The following CDH7 variants were observed in gnomAD, a reference collection of about 807,000 sequenced individuals.
CDH7 encodes cadherin 7, also known as cadherin-7.
Under a neutral mutation model 71.8 loss-of-function variants are expected in CDH7, and 25 were observed. That is an observed-to-expected ratio of 0.35 (90% CI 0.25 to 0.49). The LOEUF (loss-of-function observed/expected upper bound fraction) is 0.49. CDH7 is among the 20% of genes least tolerant of loss of function. CDH7 has a pLI of 0.99. For missense variants in CDH7, 862 were observed against 974.6 expected, an observed-to-expected ratio of 0.88 and a Z score of 1.54; for synonymous variants, 381 against 363.8, an observed-to-expected ratio of 1.05 and a Z score of -0.54.
intron 6 of CDH7, among the ~76,000 whole-genome samples, chr18:65,837,330 C>T (rs969868064): frequency 6.6e-6 from 1 of 152,104 alleles, no homozygotes; most frequent in East Asian, 1.9e-4. Context: ...TTTTTATGAG[C>T]TAGGATGGAG....
At chr18:65,787,282 A>G (rs537677966) in intron 2 of CDH7, among the ~76,000 whole-genome samples, 2 of 152,310 alleles carry the variant, frequency 1.3e-5, no homozygotes, top group South Asian at 4.1e-4. Flanking sequence ...TATAAGAAGG[A>G]TTATTAGAAC....
chr18:65,812,163 T>G (rs1432170311), intron 3 of CDH7, among the ~76,000 whole-genome samples: 1 of 151,936 alleles, frequency 6.6e-6, no homozygotes, highest in African/African-American at 2.4e-5. Flanking sequence ...GAAATGGGGT[T>G]TCACCATGTT....
intron 2 of CDH7, among the ~76,000 whole-genome samples, chr18:65,776,787 G>C (rs1909963882): frequency 6.6e-6 from 1 of 152,068 alleles, no homozygotes; most frequent in Non-Finnish European, 1.5e-5. Context: ...ATTCATTTCA[G>C]TTCCACAAGT....
intron 6 of CDH7, among the ~76,000 whole-genome samples, chr18:65,828,150 T>G (rs1333814386): frequency 6.6e-6 from 1 of 152,004 alleles, no homozygotes; most frequent in Non-Finnish European, 1.5e-5. Flanking sequence ...TTTTACAAAT[T>G]TTTATTATCT....
intron 6 of CDH7, among the ~76,000 whole-genome samples, chr18:65,831,416 A>G (rs1912344940): frequency 6.6e-6 from 1 of 152,172 alleles, no homozygotes; most frequent in Admixed American, 6.5e-5. Context: ...TTCCATCATG[A>G]GGTCAAAAGT....
At chr18:65,797,342 C>A (rs1485075402) in intron 2 of CDH7, among the ~76,000 whole-genome samples, 2 of 151,956 alleles carry the variant, frequency 1.3e-5, no homozygotes. Context: ...CTATTGATTT[C>A]TGCCAATTTT....
At chr18:65,861,954 CAT>C (rs1360074363) in intron 10 of CDH7, among the ~76,000 whole-genome samples, 5 of 152,012 alleles carry the variant, frequency 3.3e-5, no homozygotes, top group East Asian at 1.9e-4. Flanking sequence ...ACACACAAAA[CAT>C]ATTTTTGATA....
intron 6 of CDH7, among the ~76,000 whole-genome samples, chr18:65,842,318 T>C (rs1034142406): frequency 6.6e-6 from 1 of 152,084 alleles, no homozygotes; most frequent in African/African-American, 2.4e-5. Context: ...AAGAGAGATA[T>C]TAAATAAGCA....
chr18:65,849,790 T>A (rs964001485), intron 7 of CDH7, among the ~76,000 whole-genome samples: 5 of 152,144 alleles, frequency 3.3e-5, no homozygotes, highest in Non-Finnish European at 7.3e-5. Context: ...GTTACCTTTT[T>A]GGAAGACTCC....
chr18:65,874,724 TA>T (rs1914024723), intron 11 of CDH7, among the ~76,000 whole-genome samples: 1 of 151,612 alleles, frequency 6.6e-6, no homozygotes, highest in Non-Finnish European at 1.5e-5. Flanking sequence ...TATATATGCA[TA>T]TATAAATGTA....
In CDH7 at chr18:65,886,303, G is replaced by C. The variant is rs1012371453; in HGVS notation, c.*5409G>C. ...GTTATATGGTAAACAGAGAATTTCT[G>C]TTTGGAGATACATACATTAAGGAAA... On this transcript the variant is annotated 3_prime_UTR_variant, in exon 12 of 12. Coordinates refer to ENST00000397968, the MANE Select transcript of CDH7 (RefSeq NM_004361.5). The C allele has an allele frequency of 2.0e-5, 3 of 152,132 alleles. No homozygotes were observed. The highest frequency in any genetic ancestry group is 7.2e-5 in the African/African-American group (3 of 41,412). 9.4% of individuals were successfully genotyped at this position (152,132 alleles called of 1,614,324 possible).
At chr18:65,820,063 T>C (rs1396079971) in intron 4 of CDH7, among the ~76,000 whole-genome samples, 2 of 13,580 alleles carry the variant, frequency 1.5e-4, no homozygotes, top group Non-Finnish European at 5.3e-4. Flanking sequence ...GATAGGACAT[T>C]AGATCATCAG....
chr18:65,825,081 C>G (rs1159252486), intron 6 of CDH7, among the ~76,000 whole-genome samples: 1 of 151,814 alleles, frequency 6.6e-6, no homozygotes, highest in Non-Finnish European at 1.5e-5. Flanking sequence ...AAAAATAAAG[C>G]AAACTGGCAA....
intron 6 of CDH7, among the ~76,000 whole-genome samples, chr18:65,829,052 T>C (rs1462660584): frequency 2.0e-5 from 3 of 152,222 alleles, no homozygotes; most frequent in African/African-American, 7.2e-5. Flanking sequence ...AACCATTAGA[T>C]TCTAAAAGTG....
chr18:65,776,593 ATC>A (rs1345127332), intron 2 of CDH7, among the ~76,000 whole-genome samples: 2 of 152,060 alleles, frequency 1.3e-5, no homozygotes, highest in Non-Finnish European at 2.9e-5. Flanking sequence ...TTGCTTGTTA[ATC>A]TCTCAGTTAA....
intron 3 of CDH7, among the ~76,000 whole-genome samples, chr18:65,810,906 A>G (rs1388481656): frequency 6.6e-6 from 1 of 152,184 alleles, no homozygotes; most frequent in East Asian, 1.9e-4. Flanking sequence ...TCATCGCGCC[A>G]TTACTAGAAA....
At chr18:65,816,213 T>G (rs1599026215) in intron 4 of CDH7, among the ~76,000 whole-genome samples, 1 of 152,096 alleles carries the variant, frequency 6.6e-6, no homozygotes, top group African/African-American at 2.4e-5. Context: ...AATGCTGTAA[T>G]TATGGTAATC....
At chr18:65,794,783 T>C (rs945360088) in intron 2 of CDH7, among the ~76,000 whole-genome samples, 2 of 151,988 alleles carry the variant, frequency 1.3e-5, no homozygotes, top group Non-Finnish European at 2.9e-5. Flanking sequence ...GCTTCGTTGT[T>C]GGGGAGACCT....
intron 2 of CDH7, among the ~76,000 whole-genome samples, chr18:65,794,921 T>TC (rs1910856852): frequency 6.6e-6 from 1 of 152,164 alleles, no homozygotes; most frequent in South Asian, 2.1e-4. Flanking sequence ...GAATTAAAGG[T>TC]CCCTTTACCA....
Sources: gnomAD v4.1 joint callset for allele counts (sites outside exome capture counted in the v4.1 genomes callset) on GRCh38, gnomAD v4.1.1 for gene constraint, MANE v1.5 for transcripts, NCBI Gene and HGNC (gene_info 2026-07-23, HGNC 2026-07-21) for gene names.